The following CCSER1 variants were observed in gnomAD, a reference collection of about 807,000 sequenced individuals.
CCSER1 encodes the protein coiled-coil serine rich protein 1.
In CCSER1, 41 loss-of-function variants were observed where a neutral mutation model predicts 82.0. That is an observed-to-expected ratio of 0.50 (90% CI 0.39 to 0.65). The LOEUF (loss-of-function observed/expected upper bound fraction) is 0.65. Ranked by LOEUF, CCSER1 falls within the 30% of genes least tolerant of loss-of-function variation. The pLI, the probability that CCSER1 is intolerant of heterozygous loss-of-function variation, is 0.00. For synonymous variants in CCSER1, 414 were observed against 383.9 expected, an observed-to-expected ratio of 1.08 and a Z score of -0.92; for missense variants, 1,119 against 1,064.2, an observed-to-expected ratio of 1.05 and a Z score of -0.72.
At chr4:91,275,372 T>C (rs1742352338) in intron 10 of CCSER1, among the ~76,000 whole-genome samples, 1 of 152,092 alleles carries the variant, frequency 6.6e-6, no homozygotes, top group Non-Finnish European at 1.5e-5. Context: ...TCTAACTGGG[T>C]TAAAATGATA....
intron 4 of CCSER1, among the ~76,000 whole-genome samples, chr4:90,460,502 G>C (rs1385758308): frequency 3.3e-5 from 5 of 151,918 alleles, no homozygotes; most frequent in Admixed American, 2.6e-4. Context: ...AGGTAAGCCT[G>C]ACCAAATTTA....
intron 10 of CCSER1, among the ~76,000 whole-genome samples, chr4:91,483,826 A>G (rs1392720177): frequency 6.6e-6 from 1 of 152,176 alleles, no homozygotes; most frequent in Non-Finnish European, 1.5e-5. Context: ...CGTTCTAACA[A>G]TGCGAACTTC....
intron 5 of CCSER1, among the ~76,000 whole-genome samples, chr4:90,470,393 T>C (rs1764199164): frequency 6.6e-6 from 1 of 152,178 alleles, no homozygotes; most frequent in Non-Finnish European, 1.5e-5. Context: ...TGTGAACATA[T>C]GGCAAGAACA....
chr4:91,062,620 C>T (rs1337443497), intron 9 of CCSER1, among the ~76,000 whole-genome samples: 1 of 152,088 alleles, frequency 6.6e-6, no homozygotes, highest in Non-Finnish European at 1.5e-5. Flanking sequence ...TTACCCACAC[C>T]TGCAAGTCAA....
intron 10 of CCSER1, among the ~76,000 whole-genome samples, chr4:91,226,737 G>A (rs186579789): frequency 6.6e-6 from 1 of 151,952 alleles, no homozygotes; most frequent in East Asian, 1.9e-4. Context: ...TTAGGGTGGG[G>A]TTGTTGGATA....
intron 10 of CCSER1, among the ~76,000 whole-genome samples, chr4:91,194,638 C>G (rs1334290518): frequency 6.6e-6 from 1 of 152,090 alleles, no homozygotes; most frequent in Non-Finnish European, 1.5e-5. Flanking sequence ...TTCCAAGTTT[C>G]CTTTGTTTCA....
In CCSER1 at chr4:90,294,238, G is replaced by A. The variant is rs564439127; in HGVS notation, c.-41-14006G>A. Among the ~76,000 whole-genome samples the A allele has an allele frequency of 3.3e-5, 5 of 152,042 alleles. No individual in the cohort carries two copies. The East Asian group carries it at 5.8e-4, about 18-fold the overall frequency. The stretch of plus-strand genomic sequence containing the variant: ...TTAATAAAAAATAGTCTTGCCGGGC[G>A]CAGTGGCTCATGCCTGTAATCCCAG... On this transcript the variant is annotated intron_variant, in intron 1 of 10. Coordinates refer to ENST00000509176, the MANE Select transcript of CCSER1 (RefSeq NM_001145065.2).
chr4:90,413,808 G>C (rs1489966701), intron 4 of CCSER1, among the ~76,000 whole-genome samples: 2 of 149,696 alleles, frequency 1.3e-5, no homozygotes, highest in Non-Finnish European at 3.0e-5. Flanking sequence ...AATTAGCCGC[G>C]CGTAGTGGCG....
At chr4:90,173,682 C>T (rs1270861164) in intron 1 of CCSER1, among the ~76,000 whole-genome samples, 2 of 151,918 alleles carry the variant, frequency 1.3e-5, no homozygotes, top group Non-Finnish European at 2.9e-5. Flanking sequence ...CCATCTATCT[C>T]ACTATCATCA....
intron 8 of CCSER1, among the ~76,000 whole-genome samples, chr4:90,900,972 T>G (rs1724553823): frequency 6.6e-6 from 1 of 151,996 alleles, no homozygotes; most frequent in African/African-American, 2.4e-5. Flanking sequence ...TGCTTTGATG[T>G]TACATGTGTG....
chr4:90,971,849 A>G (rs1357377451), intron 9 of CCSER1, among the ~76,000 whole-genome samples: 1 of 151,962 alleles, frequency 6.6e-6, no homozygotes, highest in Non-Finnish European at 1.5e-5. Flanking sequence ...GATTCAATAT[A>G]TCAAAAATAA....
chr4:90,948,238 G>A (rs981354216), intron 9 of CCSER1, among the ~76,000 whole-genome samples: 2 of 151,706 alleles, frequency 1.3e-5, no homozygotes, highest in South Asian at 2.1e-4. Flanking sequence ...TATCAAGATG[G>A]TGGTTAGCAT....
intron 6 of CCSER1, among the ~76,000 whole-genome samples, chr4:90,666,837 A>G (rs947451486): frequency 1.1e-4 from 16 of 152,172 alleles, no homozygotes; most frequent in African/African-American, 2.9e-4. Flanking sequence ...GAATCAGGGA[A>G]ATGTATCAGG....
intron 1 of CCSER1, among the ~76,000 whole-genome samples, chr4:90,185,537 C>A (rs1578381576): frequency 6.6e-6 from 1 of 151,826 alleles, no homozygotes; most frequent in South Asian, 2.1e-4. Flanking sequence ...TCATTTGAGA[C>A]CTAAAGAAGG....
At chr4:91,179,883 G>T (rs182501041) in intron 10 of CCSER1, among the ~76,000 whole-genome samples, 1 of 152,150 alleles carries the variant, frequency 6.6e-6, no homozygotes, top group East Asian at 1.9e-4. Flanking sequence ...GAGAAGAGGC[G>T]CTCTGATTTT....
intron 8 of CCSER1, among the ~76,000 whole-genome samples, chr4:90,898,433 A>G (rs1580986827): frequency 6.7e-6 from 1 of 149,518 alleles, no homozygotes; most frequent in South Asian, 2.1e-4. Context: ...GCCTGACACC[A>G]TGCCTGGCTA....
intron 5 of CCSER1, among the ~76,000 whole-genome samples, chr4:90,619,691 T>TCC (rs1721951292): frequency 6.6e-6 from 1 of 152,102 alleles, no homozygotes; most frequent in Admixed American, 6.5e-5. Flanking sequence ...ATACAATACC[T>TCC]CCAATTAAAT....
At chr4:90,949,033 C>T (rs1732597505) in intron 9 of CCSER1, among the ~76,000 whole-genome samples, 1 of 151,988 alleles carries the variant, frequency 6.6e-6, no homozygotes, top group Non-Finnish European at 1.5e-5. Context: ...ATGTATTTTA[C>T]CACAATTAGA....
chr4:90,290,990 C>T (rs1730821854), intron 1 of CCSER1, among the ~76,000 whole-genome samples: 1 of 133,756 alleles, frequency 7.5e-6, no homozygotes, highest in Non-Finnish European at 1.5e-5. Context: ...TTAGATTTGC[C>T]TTTACTTTTC....
Sources: gnomAD v4.1 joint callset for allele counts (sites outside exome capture counted in the v4.1 genomes callset) on GRCh38, gnomAD v4.1.1 for gene constraint, MANE v1.5 for transcripts, NCBI Gene and HGNC (gene_info 2026-07-23, HGNC 2026-07-21) for gene names.